CSMD2: variants seen among roughly 807,000 people sequenced by gnomAD.
CSMD2 encodes CUB and sushi domain-containing protein 2.
A neutral mutation model predicts 398.5 loss-of-function variants in CSMD2; 130 were observed. That is an observed-to-expected ratio of 0.33 (90% confidence interval 0.28 to 0.38). The LOEUF (loss-of-function observed/expected upper bound fraction) is 0.38. Ranked by LOEUF, CSMD2 falls within the 10% of genes least tolerant of loss-of-function variation. The pLI, the probability that CSMD2 is intolerant of heterozygous loss-of-function variation, is 1.00. For synonymous variants in CSMD2, 1,828 were observed against 1,908.5 expected, an observed-to-expected ratio of 0.96 and a Z score of 1.10; for missense variants, 3,829 against 4,764.9, an observed-to-expected ratio of 0.80 and a Z score of 5.78.
Position 33,724,305 on chromosome 1 carries a change from C to T in CSMD2, c.2893G>A (p.Gly965Ser). Residue 965 changes from glycine (G) to serine (S), a missense_variant, in exon 19 of 71, where the codon GGT becomes AGT. Gly to Ser is a moderately conservative substitution (Grantham distance 56, BLOSUM62 0). Transcript: ENST00000373381. The part of the protein sequence containing the change: ...RALPSCEALC[G>S]GFIQGSSGTI... Reference sequence around the variant, plus strand: ...CCACTGGAGCCTTGAATGAAGCCACCACAGAGAGCTACAGAAGGAGTGAAG... The same window carrying T: ...CCACTGGAGCCTTGAATGAAGCCACTACAGAGAGCTACAGAAGGAGTGAAG... 6.2e-7 allele frequency: 1 copy of T among 1,613,044 alleles called. No individual in the cohort carries two copies. The highest frequency in any genetic ancestry group is 1.1e-5 in the South Asian group (1 of 90,966).
rs1228993702 is a variant in CSMD2, at chr1:33,847,013, C to G, written c.921-17G>C. 6.4e-7 allele frequency: 1 copy of G among 1,561,886 alleles called. No homozygotes were observed. The highest frequency in any genetic ancestry group is 8.8e-7 in the Non-Finnish European group (1 of 1,135,492). ...CCGGTGAACCTGTGGGAACAGGAAG[C>G]AGATGGGCTCAGGGACCAGAGCTGA... On this transcript the variant is annotated splice_polypyrimidine_tract_variant and intron_variant, in intron 5 of 70. Transcript: ENST00000373381.
intron 1 of CSMD2, among the ~76,000 whole-genome samples, chr1:34,105,898 C>T (rs1660481307): frequency 6.6e-6 from 1 of 152,166 alleles, no homozygotes; most frequent in Non-Finnish European, 1.5e-5. Context: ...TGTTTGTTGC[C>T]TATCTTCATG....
At chr1:33,905,247 T>C (rs1643015107) in intron 5 of CSMD2, among the ~76,000 whole-genome samples, 1 of 151,694 alleles carries the variant, frequency 6.6e-6, no homozygotes, top group African/African-American at 2.4e-5. Context: ...GGAAAGAGAA[T>C]AAAAGAGAGG....
intron 10 of CSMD2, among the ~76,000 whole-genome samples, chr1:33,810,471 G>A (rs1015228206): frequency 6.6e-6 from 1 of 152,100 alleles, no homozygotes; most frequent in African/African-American, 2.4e-5. Context: ...AACAGGATTG[G>A]TGAGGAACCT....
At chr1:33,753,534 A>G (rs535337846) in intron 13 of CSMD2, among the ~76,000 whole-genome samples, 4 of 152,346 alleles carry the variant, frequency 2.6e-5, no homozygotes, top group Non-Finnish European at 4.4e-5. Flanking sequence ...GTGGAGTGGC[A>G]ATGTGGGGTT....
In CSMD2 at chr1:33,624,548, T is replaced by C; in HGVS notation, c.5596A>G (p.Ile1866Val). ...ATGCCAGCGCCTTCGGGGACCACGA[T>C]CTTCCACACACAGTTGAGGCTGTTG... ...YLNSLNCVWKIVVPEGAGIQI... is the reference protein window; with the variant it reads ...YLNSLNCVWKVVVPEGAGIQI... The change falls in exon 35 of 71, where the codon ATC (isoleucine) becomes GTC (valine). Residue 1866 changes from isoleucine (I) to valine (V), a missense_variant. Ile to Val is a conservative substitution (Grantham distance 29). Around this residue, in one of 5 missense-constraint regions of CSMD2, gnomAD observed 2,001 missense variants for 2,567.1 expected, o/e 0.78. Coordinates refer to ENST00000373381, the MANE Select transcript of CSMD2 (RefSeq NM_001281956.2). This position sits in a 1 kb window ranked among gnomAD's most constrained non-coding sequence, Gnocchi z 4.7. 2 of 1,613,890 alleles carry C rather than the reference T, an allele frequency of 1.2e-6. No individual in the cohort carries two copies. Among genetic ancestry groups the C allele is most frequent in the Non-Finnish European group, 1.7e-6 (2 of 1,179,886 alleles).
intron 3 of CSMD2, among the ~76,000 whole-genome samples, chr1:34,028,885 T>C (rs546447449): frequency 7.6e-4 from 116 of 152,324 alleles, no homozygotes; most frequent in Admixed American, 6.8e-3. Flanking sequence ...CCGGCCTTTT[T>C]GATCTTTTCC....
At chr1:33,714,042 G>A (rs914085034) in intron 21 of CSMD2, among the ~76,000 whole-genome samples, 1 of 152,122 alleles carries the variant, frequency 6.6e-6, no homozygotes. Flanking sequence ...AGATGTAGTG[G>A]GTCATCTATA....
At chr1:33,732,869 G>A (rs1199996903) in intron 15 of CSMD2, among the ~76,000 whole-genome samples, 3 of 152,222 alleles carry the variant, frequency 2.0e-5, no homozygotes, top group Admixed American at 6.5e-5. Flanking sequence ...CTTCATGTAT[G>A]CTTTTGCTTC....
chr1:33,577,148 G>T, intron 49 of CSMD2, 148 bp downstream of exon 49: 1 of 703,090 alleles, frequency 1.4e-6, no homozygotes, highest in Non-Finnish European at 2.3e-6. Flanking sequence ...AGATTGCTAC[G>T]CACTACAGAT....
chr1:34,073,066 C>T (rs561838433), intron 2 of CSMD2, among the ~76,000 whole-genome samples: 1 of 152,190 alleles, frequency 6.6e-6, no homozygotes, highest in African/African-American at 2.4e-5. Flanking sequence ...AGTAACCCCA[C>T]AAAACAGGCC....
At chr1:33,964,033 C>A (rs923319822) in intron 3 of CSMD2, among the ~76,000 whole-genome samples, 1 of 152,208 alleles carries the variant, frequency 6.6e-6, no homozygotes, top group Non-Finnish European at 1.5e-5. Context: ...GTCTTCTCAC[C>A]TACAGTGTAC....
intron 3 of CSMD2, among the ~76,000 whole-genome samples, chr1:34,010,842 G>T (rs1463348193): frequency 6.6e-6 from 1 of 152,102 alleles, no homozygotes; most frequent in African/African-American, 2.4e-5. Flanking sequence ...GTGAAGGATG[G>T]TCTCGATCTC....
chr1:33,611,542 GTTTAAA>G (rs1299019118), intron 40 of CSMD2, among the ~76,000 whole-genome samples: 1 of 152,190 alleles, frequency 6.6e-6, no homozygotes, highest in Admixed American at 6.5e-5. Context: ...GTCAACACTT[GTTTAAA>G]TTTATGATTC....
At chr1:33,930,385 G>A (rs1429360812) in intron 4 of CSMD2, among the ~76,000 whole-genome samples, 1 of 152,188 alleles carries the variant, frequency 6.6e-6, no homozygotes, top group Non-Finnish European at 1.5e-5. Context: ...CGACACCACT[G>A]CTTCTTTTTC....
intron 1 of CSMD2, among the ~76,000 whole-genome samples, chr1:34,128,404 G>A (rs906755523): frequency 3.9e-5 from 6 of 152,202 alleles, no homozygotes; most frequent in African/African-American, 9.7e-5. Context: ...TGCTGCGCTC[G>A]GGTCTGAGGG....
intron 3 of CSMD2, among the ~76,000 whole-genome samples, chr1:33,968,148 G>A (rs12563294): frequency 0.052 from 7,846 of 152,248 alleles, 302 homozygotes; most frequent in East Asian, 0.18. Context: ...ACACTTCGGG[G>A]AGCCTGTCTA....
At chr1:33,788,949 A>T (rs1005217044) in intron 11 of CSMD2, among the ~76,000 whole-genome samples, 8 of 151,598 alleles carry the variant, frequency 5.3e-5, no homozygotes, top group African/African-American at 1.9e-4. Flanking sequence ...CACAACTTTG[A>T]CTCTCTAGCC....
intron 27 of CSMD2, among the ~76,000 whole-genome samples, chr1:33,656,712 G>A (rs1032106512): frequency 6.6e-6 from 1 of 152,226 alleles, no homozygotes; most frequent in African/African-American, 2.4e-5. Context: ...TGGCGTGGGT[G>A]TAAATCTTGG....
Sources: allele counts gnomAD v4.1 joint callset (sites outside exome capture counted in the v4.1 genomes callset), GRCh38; gene constraint gnomAD v4.1.1; regional missense constraint gnomAD v4.1.1; non-coding constraint Gnocchi (gnomAD v3.1); transcripts MANE v1.5; gene names NCBI Gene and HGNC (gene_info 2026-07-23, HGNC 2026-07-21).